Variants in NOTCH1 observed in about 807,000 individuals in gnomAD.
The protein encoded by NOTCH1 is neurogenic locus notch homolog protein 1.
Under a neutral mutation model 254.8 loss-of-function variants are expected in NOTCH1, and 37 were observed. The observed-to-expected ratio is 0.15, with a 90% confidence interval of 0.11 to 0.19. NOTCH1 has a LOEUF of 0.19. Ranked by LOEUF, NOTCH1 falls within the 10% of genes least tolerant of loss-of-function variation. The pLI is 1.00. For synonymous variants in NOTCH1, 1,731 were observed against 1,618.1 expected (o/e 1.07, Z -1.68); for missense variants, 2,972 against 3,708.6 (o/e 0.80, Z 5.16).
rs1045915227 is a variant in NOTCH1, at chr9:136,495,632, A to G, written c.*439T>C. On this transcript the variant is annotated 3_prime_UTR_variant, in exon 34 of 34. Coordinates refer to ENST00000651671, the MANE Select transcript of NOTCH1 (RefSeq NM_017617.5). ...GCGTCGGGGAAAGGGCGCGGCCTGG[A>G]CGCCCCAGGAGCTTTTTGGACTATG... The G allele has an allele frequency of 1.2e-5, 5 of 401,558 alleles. No homozygotes were observed. Among genetic ancestry groups the G allele is most frequent in the African/African-American group, 8.2e-5 (4 of 48,624 alleles). 24.9% of individuals were successfully genotyped at this position (401,558 alleles called of 1,614,324 possible).
Position 136,505,006 on chromosome 9 carries a change from G to C in NOTCH1, c.4685C>G (p.Ala1562Gly), listed in dbSNP as rs752839680. The C allele has an allele frequency of 6.2e-7, 1 of 1,601,292 alleles. No homozygotes were observed. The highest frequency in any genetic ancestry group is 8.5e-7 in the Non-Finnish European group (1 of 1,175,100). Residue 1562 changes from alanine to glycine, a missense_variant, in exon 26 of 34, where the codon GCG becomes GGG. By Grantham distance (60) the Ala-to-Gly change is moderately conservative. This residue lies in a region of NOTCH1 where 1,343 missense variants were observed against 1,557.0 expected (regional missense o/e 0.86). Transcript: ENST00000651671. ...AECEWDGLDC[A>G]EHVPERLAAG... ...CGCCAGCCTCTCGGGTACATGCTCCGCACAGTCCAGCCCGTCCCACTCGCA... is the reference window on the plus strand; with the variant it reads ...CGCCAGCCTCTCGGGTACATGCTCCCCACAGTCCAGCCCGTCCCACTCGCA...
intron 2 of NOTCH1, among the ~76,000 whole-genome samples, chr9:136,528,439 TGAG>T (rs1359226344): frequency 6.9e-5 from 1 of 14,482 alleles, no homozygotes; most frequent in Non-Finnish European, 1.2e-4. Flanking sequence ...GCAGGGACGG[TGAG>T]GGGGGGATGG....
intron 33 of NOTCH1, 30 bp from the exon 34 acceptor site, chr9:136,497,588 G>GGGGCC: frequency 6.5e-7 from 1 of 1,539,580 alleles, no homozygotes; most frequent in Non-Finnish European, 8.7e-7. Context: ...GCCGGTGAGG[G>GGGGCC]GGGCCAGGCC....
intron 33 of NOTCH1, 105 bp downstream of exon 33, chr9:136,498,794 C>T (rs1842953862): frequency 1.5e-6 from 2 of 1,355,926 alleles, no homozygotes; most frequent in Non-Finnish European, 2.1e-6. Flanking sequence ...ACCCTCGAGA[C>T]CCTGTGGGTC....
chr9:136,523,727 GGGC>G lies in NOTCH1; in HGVS notation c.390_392del (p.Pro131del). On this transcript the variant is annotated inframe_deletion, in exon 3 of 34. Transcript: ENST00000651671. ...TGGGTCCTCCCTCACCTGACCAGCC[GGGC>G]GGGCAGCGGCACTTGTACTCCGTCA... 1 of 1,607,090 alleles carries G rather than the reference GGGC, an allele frequency of 6.2e-7. No individual in the cohort carries two copies. The highest frequency in any genetic ancestry group is 2.2e-5 in the East Asian group (1 of 44,684).
chr9:136,528,398 G>C (rs1425842556), intron 2 of NOTCH1, among the ~76,000 whole-genome samples: 1 of 33,580 alleles, frequency 3.0e-5, no homozygotes, highest in Non-Finnish European at 4.9e-5. Context: ...ACAGTGGGGG[G>C]GGATGGGCAG....
rs774526596 is a variant in NOTCH1, at chr9:136,506,634, G to A, written c.3907C>T (p.Arg1303Cys). Residue 1303 changes from arginine to cysteine, a missense_variant, in exon 24 of 34, where the codon CGC (arginine) becomes TGC (cysteine). Coordinates refer to ENST00000651671, the MANE Select transcript of NOTCH1 (RefSeq NM_017617.5). The surrounding 1 kb of genome is among the most constrained non-coding windows in gnomAD (Gnocchi z 4.5). ...CECRAGHTGR[R>C]CESVINGCKG... ...CAGCCATTGATGACGGACTCGCAGC[G>A]GCGCCCTAGGGGTAAGAGCAGGGCA... The A allele has an allele frequency of 5.6e-6, 9 of 1,605,786 alleles. No individual in the cohort carries two copies. The highest frequency in any genetic ancestry group is 4.5e-5 in the East Asian group (2 of 44,644).
At position 136,517,340 on chromosome 9, in the gene NOTCH1, C is replaced by G. The variant is rs2133367463; in HGVS notation, c.1487G>C (p.Ser496Thr). Residue 496 changes from serine to threonine, a missense_variant, in exon 9 of 34, where the codon AGC becomes ACC. Physicochemically the swap from Ser to Thr is moderately conservative, Grantham distance 58. Around this residue, in one of 8 missense-constraint regions of NOTCH1, gnomAD observed 128 missense variants for 193.8 expected, o/e 0.66. Coordinates refer to ENST00000651671, the MANE Select transcript of NOTCH1 (RefSeq NM_017617.5). ...HCEVNTDECA[S>T]SPCLHNGRCL... is the part of the protein sequence containing the mutation. ...GCGGCCATTGTGCAGGCAGGGGCTG[C>G]TGGCACACTCGTCTGTGTTGACCTC... The G allele has an allele frequency of 1.9e-6, 3 of 1,609,318 alleles. No individual in the cohort carries two copies. The East Asian group carries it at 6.7e-5, about 36-fold the overall frequency.
At chr9:136,511,381 C>T in intron 15 of NOTCH1, 110 bp from the exon 16 acceptor site, 1 of 1,411,512 alleles carries the variant, frequency 7.1e-7, no homozygotes, top group Admixed American at 2.1e-5. Flanking sequence ...GCTGGTCCCG[C>T]CGGGAGGCAA....
intron 1 of NOTCH1, among the ~76,000 whole-genome samples, chr9:136,544,784 C>A (rs900894321): frequency 1.7e-4 from 26 of 152,168 alleles, no homozygotes; most frequent in African/African-American, 5.3e-4. Flanking sequence ...ATCTCCAGGG[C>A]AGCCCCCATA....
Position 136,498,943 on chromosome 9 carries a change from C to T in NOTCH1, c.6136G>A (p.Val2046Met), listed in dbSNP as rs980956509. 1 of 1,613,714 alleles carries T rather than the reference C, an allele frequency of 6.2e-7. No homozygotes were observed. Among genetic ancestry groups the T allele is most frequent in the East Asian group, 2.2e-5 (1 of 44,884 alleles). ...TTGTTAGCCCCGTTCTTCAGGAGCA[C>T]AACTGCGGCATCCACATTGTTCACG... The part of the protein sequence containing the change: ...AAVNNVDAAV[V>M]LLKNGANKDM... The change falls in exon 33 of 34, where the codon GTG (valine) becomes ATG (methionine). Residue 2046 changes from valine to methionine, a missense_variant. By Grantham distance (21) the Val-to-Met change is conservative. Coordinates refer to ENST00000651671, the MANE Select transcript of NOTCH1 (RefSeq NM_017617.5).
Position 136,513,424 on chromosome 9 carries a change from C to T in NOTCH1, c.2321G>A (p.Gly774Asp), listed in dbSNP as rs1198316092. Residue 774 changes from glycine to aspartate, a missense_variant, in exon 14 of 34, where the codon GGC becomes GAC. This residue lies in a region of NOTCH1 where 1,343 missense variants were observed against 1,557.0 expected (regional missense o/e 0.86). Coordinates refer to ENST00000651671, the MANE Select transcript of NOTCH1 (RefSeq NM_017617.5). The surrounding 1 kb of genome is among the most constrained non-coding windows in gnomAD (Gnocchi z 4.7). ...GCCCTCCCGGCAGGTGCACACGTAG[C>T]CACTGGTCATGTCTTTGCAGGTGCC... is the stretch of plus-strand genomic sequence containing the variant. ...NGGTCKDMTS[G>D]YVCTCREGFS... is the part of the protein sequence containing the mutation. 4 of 1,612,902 alleles carry T rather than the reference C, an allele frequency of 2.5e-6. No homozygotes were observed. Among genetic ancestry groups the T allele is most frequent in the Non-Finnish European group, 2.5e-6 (3 of 1,180,032 alleles).
chr9:136,511,100 C>T, intron 16 of NOTCH1, 52 bp downstream of exon 16: 1 of 1,612,332 alleles, frequency 6.2e-7, no homozygotes, highest in Non-Finnish European at 8.5e-7. Context: ...CTGTGTCCCG[C>T]AGACATCCTG....
chr9:136,515,451 G>GC (rs779757006), intron 11 of NOTCH1, 32 bp downstream of exon 11: 2 of 1,611,210 alleles, frequency 1.2e-6, no homozygotes, highest in Non-Finnish European at 1.7e-6. Context: ...CTGCCCACTG[G>GC]CCCCCCGCCG....
intron 2 of NOTCH1, among the ~76,000 whole-genome samples, chr9:136,525,487 C>T (rs1371788141): frequency 1.3e-5 from 2 of 152,260 alleles, no homozygotes; most frequent in Admixed American, 6.5e-5. Context: ...CCCAGCGGCC[C>T]GGGAAGGCAG....
chr9:136,506,491 T>G lies in NOTCH1; in HGVS notation c.4014+36A>C, dbSNP rs1209736979. The G allele has an allele frequency of 6.5e-7, 1 of 1,544,252 alleles. No individual in the cohort carries two copies. The highest frequency in any genetic ancestry group is 8.7e-7 in the Non-Finnish European group (1 of 1,143,202). On this transcript the variant is annotated intron_variant, in intron 24 of 33. Transcript: ENST00000651671. The surrounding 1 kb of genome is among the most constrained non-coding windows in gnomAD (Gnocchi z 4.5). ...CGTGGACCTCTCCAGGTGTCTCCCC[T>G]GGCGGGCCCCTGCCTCCCTGCACCC...
Position 136,503,191 on chromosome 9 carries a change from C to T in NOTCH1, c.5158G>A (p.Ala1720Thr), listed in dbSNP as rs1243107986. 6.2e-7 allele frequency: 1 copy of T among 1,612,808 alleles called. No homozygotes were observed. The highest frequency in any genetic ancestry group is 2.2e-5 in the East Asian group (1 of 44,884). ...GSLNIPYKIEAVQSETVEPPP... is the reference protein window; with the variant it reads ...GSLNIPYKIETVQSETVEPPP... Reference sequence around the variant, plus strand: ...ATGGGGCCACACTTACTCTGCACGGCCTCGATCTTGTAGGGGATGTTGAGG... The same window carrying T: ...ATGGGGCCACACTTACTCTGCACGGTCTCGATCTTGTAGGGGATGTTGAGG... The change falls in exon 27 of 34, where the codon GCC (alanine) becomes ACC (threonine). Residue 1720 changes from alanine (A) to threonine (T), a missense_variant. Physicochemically the swap from Ala to Thr is moderately conservative, Grantham distance 58. This residue lies in a region of NOTCH1 where 421 missense variants were observed against 604.4 expected (regional missense o/e 0.70). Transcript: ENST00000651671.
chr9:136,511,109 T>C (rs1843174530), intron 16 of NOTCH1, 43 bp downstream of exon 16: 1 of 1,612,502 alleles, frequency 6.2e-7, no homozygotes, highest in African/African-American at 1.3e-5. Flanking sequence ...GCAGACATCC[T>C]GACCTCCCAT....
At position 136,502,469 on chromosome 9, in the gene NOTCH1, G is replaced by A. The variant is rs1391812990; in HGVS notation, c.5187C>T (p.Pro1729=). ...ACATGAAGTGCAGCTGCGCCGGCGGGGGCGGCTCCACGGTCTCACCTGCGG... is the reference window on the plus strand; with the variant it reads ...ACATGAAGTGCAGCTGCGCCGGCGGAGGCGGCTCCACGGTCTCACCTGCGG... ...EAVQSETVEP[P]PPAQLHFMYV... The change falls in exon 28 of 34, where the codon CCC becomes CCT. Residue 1729 remains proline, a synonymous_variant. Coordinates refer to ENST00000651671, the MANE Select transcript of NOTCH1 (RefSeq NM_017617.5). The A allele has an allele frequency of 5.7e-6, 9 of 1,581,430 alleles. No homozygotes were observed. Among genetic ancestry groups the A allele is most frequent in the African/African-American group, 2.7e-5 (2 of 74,220 alleles).
Sources: gnomAD v4.1 joint callset for allele counts (sites outside exome capture counted in the v4.1 genomes callset) on GRCh38, gnomAD v4.1.1 for gene constraint, gnomAD v4.1.1 regional missense constraint, Gnocchi (gnomAD v3.1) non-coding constraint, MANE v1.5 for transcripts, NCBI Gene and HGNC (gene_info 2026-07-23, HGNC 2026-07-21) for gene names.